The following SULT2B1 variants were observed in gnomAD, a reference collection of about 807,000 sequenced individuals.
SULT2B1 encodes sulfotransferase 2B1.
SULT2B1 carries 16 observed loss-of-function variants against 33.2 expected under a neutral mutation model. The ratio of observed to expected loss-of-function variants is 0.48; its 90% confidence interval spans 0.33 to 0.73. The LOEUF is 0.73. Ranked by LOEUF, SULT2B1 falls within the 30% of genes least tolerant of loss-of-function variation. The probability of loss-of-function intolerance (pLI) is 0.02; values close to 1 mark genes in which losing one functional copy is unlikely to be tolerated. For missense variants in SULT2B1, 500 were observed against 506.0 expected (o/e 0.99, Z 0.11); for synonymous variants, 186 against 200.5 (o/e 0.93, Z 0.61).
intron 1 of SULT2B1, among the ~76,000 whole-genome samples, chr19:48,561,165 C>G (rs1284623418): frequency 6.6e-6 from 1 of 151,350 alleles, no homozygotes; most frequent in African/African-American, 2.4e-5. Flanking sequence ...TGTGGTGGCT[C>G]ATGCCTGTAA....
intron 2 of SULT2B1, among the ~76,000 whole-genome samples, chr19:48,580,102 T>TA (rs1973466922): frequency 6.7e-6 from 1 of 148,690 alleles, no homozygotes; most frequent in Non-Finnish European, 1.5e-5. Flanking sequence ...TAAAAAAACT[T>TA]TTTTTTTTTT....
chr19:48,553,553 T>C (rs1322645803), intron 1 of SULT2B1, among the ~76,000 whole-genome samples: 1 of 152,178 alleles, frequency 6.6e-6, no homozygotes, highest in African/African-American at 2.4e-5. Context: ...CCTCAGGTGA[T>C]CCACCTGCCT....
At chr19:48,574,374 G>A (rs560921903) in intron 1 of SULT2B1, among the ~76,000 whole-genome samples, 19 of 152,302 alleles carry the variant, frequency 1.2e-4, no homozygotes, top group African/African-American at 4.1e-4. Flanking sequence ...GTGGGGGAGG[G>A]ACCCCCGATT....
rs2544794 is a variant in SULT2B1 at position 48,575,989 on chromosome 19, C to T, written c.120C>T (p.Pro40=). ...TCCGGTACAAGGGCGTCCCCTTCCCCGTCGGCCTGTACTCGCTCGAGAGCA... is the reference window on the plus strand; with the variant it reads ...TCCGGTACAAGGGCGTCCCCTTCCCTGTCGGCCTGTACTCGCTCGAGAGCA... ...EYFRYKGVPF[P]VGLYSLESIS... The change falls in exon 2 of 7, where the codon CCC becomes CCT. Residue 40 remains proline, a synonymous_variant. Transcript: ENST00000201586. 0.15 allele frequency: 249,704 copies of T among 1,613,536 alleles called. 20,560 individuals carry two copies. Among genetic ancestry groups the T allele is most frequent in the African/African-American group, 0.22 (16,658 of 74,900 alleles).
At chr19:48,553,098 A>G (rs576000507) in intron 1 of SULT2B1, among the ~76,000 whole-genome samples, 2 of 151,850 alleles carry the variant, frequency 1.3e-5, no homozygotes, top group South Asian at 2.1e-4. Context: ...CCGTGGCTCC[A>G]TCTTTTAGGG....
chr19:48,566,778 G>T (rs1269575089), intron 1 of SULT2B1, among the ~76,000 whole-genome samples: 1 of 151,762 alleles, frequency 6.6e-6, no homozygotes, highest in East Asian at 1.9e-4. Context: ...GGAGGCAGAG[G>T]TTGCAGTGAG....
intron 1 of SULT2B1, among the ~76,000 whole-genome samples, chr19:48,555,434 C>T (rs997260813): frequency 2.6e-5 from 4 of 152,110 alleles, no homozygotes; most frequent in African/African-American, 9.7e-5. Context: ...CGCTTGTTCC[C>T]TGCCACAGTG....
chr19:48,565,249 C>G (rs933516915), intron 1 of SULT2B1, among the ~76,000 whole-genome samples: 3 of 151,908 alleles, frequency 2.0e-5, no homozygotes, highest in Non-Finnish European at 4.4e-5. Context: ...TGATGCATTT[C>G]AAAGTAAGTT....
chr19:48,592,698 C>A (rs746137350), intron 4 of SULT2B1, 24 bp from the exon 5 acceptor site: 59 of 1,566,846 alleles, frequency 3.8e-5, no homozygotes, highest in African/African-American at 8.1e-5. Flanking sequence ...TCAGCCCTCA[C>A]CCCACTTGTC....
At chr19:48,592,252 A>G (rs943757912) in intron 4 of SULT2B1, among the ~76,000 whole-genome samples, 2 of 152,162 alleles carry the variant, frequency 1.3e-5, no homozygotes, top group Admixed American at 6.6e-5. Context: ...AGATCGTGCC[A>G]CTGCACTCCA....
intron 2 of SULT2B1, among the ~76,000 whole-genome samples, chr19:48,585,433 T>C (rs111885481): frequency 0.17 from 25,597 of 151,748 alleles, 2,613 homozygotes; most frequent in African/African-American, 0.27. Flanking sequence ...TTTGGGAGGC[T>C]GAGGCAGGTG....
In SULT2B1 at chr19:48,552,452, A is replaced by G; in HGVS notation, c.71+129A>G. On this transcript the variant is annotated intron_variant, in intron 1 of 6. Coordinates refer to ENST00000201586, the MANE Select transcript of SULT2B1 (RefSeq NM_177973.2). The surrounding 1 kb of genome is among the most constrained non-coding windows in gnomAD (Gnocchi z 4.8). ...GCAGGCCTGGCCCAGACTTAGCTGGAGGGGCTGGGCTGGGCTGGGGCATCC... is the reference window on the plus strand; with the variant it reads ...GCAGGCCTGGCCCAGACTTAGCTGGGGGGGCTGGGCTGGGCTGGGGCATCC... The G allele has an allele frequency of 1.1e-6, 1 of 910,440 alleles. No individual in the cohort carries two copies. The highest frequency in any genetic ancestry group is 1.7e-6 in the Non-Finnish European group (1 of 600,626). 56.4% of individuals were successfully genotyped at this position (910,440 alleles called of 1,614,324 possible).
At chr19:48,571,516 T>C (rs1973328422) in intron 1 of SULT2B1, among the ~76,000 whole-genome samples, 1 of 151,912 alleles carries the variant, frequency 6.6e-6, no homozygotes, top group South Asian at 2.1e-4. Context: ...TGGTCTTGAA[T>C]TCCTGGCTTC....
At chr19:48,563,826 G>A (rs758830877) in intron 1 of SULT2B1, among the ~76,000 whole-genome samples, 14 of 152,184 alleles carry the variant, frequency 9.2e-5, no homozygotes, top group Non-Finnish European at 1.6e-4. Flanking sequence ...TTAGCTGGGC[G>A]TGTTGGCACA....
chr19:48,596,789 G>A lies in SULT2B1; in HGVS notation c.696G>A (p.Leu232=), dbSNP rs756535883. 1.2e-6 allele frequency: 2 copies of A among 1,609,302 alleles called. No homozygotes were observed. The highest frequency in any genetic ancestry group is 1.3e-5 in the African/African-American group (1 of 75,034). ...ERICGFLGRP[L]GKEALGSVVA... is the part of the protein sequence containing the mutation. ...TCTGTGGGTTCCTGGGCCGTCCGCT[G>A]GGCAAGGAGGCACTGGGCTCCGTCG... is the stretch of plus-strand genomic sequence containing the variant. The change falls in exon 6 of 7, where the codon CTG becomes CTA. Residue 232 remains leucine, a synonymous_variant. Transcript: ENST00000201586.
Position 48,599,347 on chromosome 19 carries a change from T to C in SULT2B1, c.1039T>C (p.Ser347Pro), listed in dbSNP as rs771470847. The C allele has an allele frequency of 4.6e-5, 73 of 1,584,018 alleles. No individual in the cohort carries two copies. The highest frequency in any genetic ancestry group is 1.7e-4 in the Middle Eastern group (1 of 6,056). ...CCTGGAGCGTGAGCCCAGACCCAACTCCAGCCCCAGCCCCAGCCCCGGCCA... is the reference window on the plus strand; with the variant it reads ...CCTGGAGCGTGAGCCCAGACCCAACCCCAGCCCCAGCCCCAGCCCCGGCCA... ...TSLEREPRPNSSPSPSPGQAS... is the reference protein window; with the variant it reads ...TSLEREPRPNPSPSPSPGQAS... Residue 347 changes from serine to proline, a missense_variant, in exon 7 of 7, where the codon TCC becomes CCC. Coordinates refer to ENST00000201586, the MANE Select transcript of SULT2B1 (RefSeq NM_177973.2). This position sits in a 1 kb window ranked among gnomAD's most constrained non-coding sequence, Gnocchi z 4.1.
At chr19:48,596,979 G>A in intron 6 of SULT2B1, 60 bp downstream of exon 6, 8 of 1,479,892 alleles carry the variant, frequency 5.4e-6, no homozygotes, top group Admixed American at 2.1e-5. Flanking sequence ...TGACCTGGGA[G>A]AGTTACTTAA....
intron 1 of SULT2B1, among the ~76,000 whole-genome samples, chr19:48,567,320 T>C (rs924009883): frequency 6.6e-6 from 1 of 151,666 alleles, no homozygotes; most frequent in African/African-American, 2.4e-5. Flanking sequence ...TCCCAGCACT[T>C]TGGGAGGCTG....
intron 2 of SULT2B1, among the ~76,000 whole-genome samples, 162 bp from the exon 3 acceptor site, chr19:48,587,067 G>A (rs962385346): frequency 8.6e-5 from 13 of 151,900 alleles, no homozygotes; most frequent in African/African-American, 2.4e-4. Flanking sequence ...AGCCGAGATC[G>A]CGCCATTGCA....
Sources: allele counts gnomAD v4.1 joint callset (sites outside exome capture counted in the v4.1 genomes callset), GRCh38; gene constraint gnomAD v4.1.1; non-coding constraint Gnocchi (gnomAD v3.1); transcripts MANE v1.5; gene names NCBI Gene and HGNC (gene_info 2026-07-23, HGNC 2026-07-21).